The following GBE1 variants were observed in gnomAD, a reference collection of about 807,000 sequenced individuals.
GBE1 encodes the protein 1,4-alpha-glucan-branching enzyme.
A neutral mutation model predicts 88.8 loss-of-function variants in GBE1; 70 were observed. That is an observed-to-expected ratio of 0.79 (90% CI 0.65 to 0.96). The LOEUF (loss-of-function observed/expected upper bound fraction) is 0.96. Ranked by LOEUF, GBE1 falls within the 40% of genes least tolerant of loss-of-function variation. The pLI is 0.00. For missense variants in GBE1, 872 were observed against 871.0 expected (o/e 1.00, Z -0.01); for synonymous variants, 284 against 300.1 (o/e 0.95, Z 0.56).
chr3:81,490,385 G>A lies in GBE1; in HGVS notation c.*22C>T, dbSNP rs759825550. 1 of 1,598,036 alleles carries A rather than the reference G, an allele frequency of 6.3e-7. No homozygotes were observed. Among genetic ancestry groups the A allele is most frequent in the South Asian group, 1.1e-5 (1 of 90,672 alleles). On this transcript the variant is annotated 3_prime_UTR_variant, in exon 16 of 16. Coordinates refer to ENST00000429644, the MANE Select transcript of GBE1 (RefSeq NM_000158.4). ...AAAACAAAACACAAATCTGCATCTG[G>A]TGGAGCTGAAATCAGGCCTCTTCAA... is the stretch of plus-strand genomic sequence containing the variant.
intron 14 of GBE1, among the ~76,000 whole-genome samples, chr3:81,502,250 T>C (rs1049011851): frequency 6.6e-6 from 1 of 152,116 alleles, no homozygotes. Flanking sequence ...AAAAGAACAA[T>C]TGCTATACAA....
chr3:81,638,138 C>T (rs1704616995), intron 7 of GBE1, among the ~76,000 whole-genome samples: 1 of 152,064 alleles, frequency 6.6e-6, no homozygotes, highest in Non-Finnish European at 1.5e-5. Context: ...CTTTATTCTA[C>T]ATACTTATGA....
chr3:81,674,458 T>C (rs528614796), intron 2 of GBE1, among the ~76,000 whole-genome samples: 3 of 151,954 alleles, frequency 2.0e-5, no homozygotes, highest in East Asian at 3.9e-4. Context: ...CCAGGTGTAA[T>C]TGCAGGAACC....
In GBE1 at chr3:81,536,989, A is replaced by G; in HGVS notation, c.1725T>C (p.Leu575=). 6.3e-7 allele frequency: 1 copy of G among 1,592,998 alleles called. No homozygotes were observed. Among genetic ancestry groups the G allele is most frequent in the Non-Finnish European group, 8.5e-7 (1 of 1,170,978 alleles). The part of the protein sequence containing the change: ...RQFHLTDDDL[L]RYKFLNNFDR... ...CAAAATTATTTAGGAACTTGTAGCGAAGAAGGTCGTCGTCAGTTAAATGAA... is the reference window on the plus strand; with the variant it reads ...CAAAATTATTTAGGAACTTGTAGCGGAGAAGGTCGTCGTCAGTTAAATGAA... The change falls in exon 13 of 16, where the codon CTT becomes CTC. Residue 575 remains leucine (L), a synonymous_variant. Coordinates refer to ENST00000429644, the MANE Select transcript of GBE1 (RefSeq NM_000158.4).
chr3:81,597,201 A>G (rs891619184), intron 7 of GBE1, among the ~76,000 whole-genome samples: 2 of 151,874 alleles, frequency 1.3e-5, no homozygotes, highest in African/African-American at 4.8e-5. Flanking sequence ...CAAACAGCCC[A>G]TAACACAGTT....
chr3:81,599,121 T>C (rs1703997529), intron 7 of GBE1, among the ~76,000 whole-genome samples: 1 of 152,194 alleles, frequency 6.6e-6, no homozygotes, highest in Non-Finnish European at 1.5e-5. Flanking sequence ...AAAAGGATGA[T>C]ATGGTGCTTT....
At chr3:81,651,092 C>T (rs867337355) in intron 3 of GBE1, among the ~76,000 whole-genome samples, 26 of 152,262 alleles carry the variant, frequency 1.7e-4, no homozygotes, top group Middle Eastern at 6.8e-3. Flanking sequence ...TTGAGGAGAA[C>T]GTATTCTTCA....
intron 3 of GBE1, among the ~76,000 whole-genome samples, chr3:81,653,055 T>C (rs1023625129): frequency 4.6e-5 from 7 of 152,172 alleles, no homozygotes; most frequent in Non-Finnish European, 8.8e-5. Context: ...AGCTAATGTT[T>C]AAAAGAGTTC....
chr3:81,659,381 G>A lies in GBE1; in HGVS notation c.430-9460C>T, dbSNP rs192891240. 2.8e-3 allele frequency among the ~76,000 whole-genome samples: 421 copies of A among 150,482 alleles called. 1 individual carries two copies. The highest frequency in any genetic ancestry group is 4.3e-3 in the Non-Finnish European group (292 of 67,752). ...TAGACAGTCTCAGTCTGTCACCCAG[G>A]CTGGAGTGCAGTGGCGTGATCTCGC... On this transcript the variant is annotated intron_variant, in intron 3 of 15. Transcript: ENST00000429644.
At chr3:81,501,596 T>C (rs1221332527) in intron 14 of GBE1, among the ~76,000 whole-genome samples, 4 of 151,738 alleles carry the variant, frequency 2.6e-5, no homozygotes, top group Non-Finnish European at 5.9e-5. Context: ...TTCATTTTAG[T>C]CACCTGAATT....
chr3:81,579,387 TAA>T (rs995106120), intron 11 of GBE1, among the ~76,000 whole-genome samples: 12 of 152,174 alleles, frequency 7.9e-5, no homozygotes, highest in African/African-American at 2.9e-4. Flanking sequence ...CCTGAATATA[TAA>T]GATAGGATTG....
At chr3:81,563,462 C>T (rs1703447988) in intron 12 of GBE1, among the ~76,000 whole-genome samples, 1 of 152,072 alleles carries the variant, frequency 6.6e-6, no homozygotes, top group African/African-American at 2.4e-5. Flanking sequence ...GGCTGTCACT[C>T]AGGTGGGTCT....
intron 2 of GBE1, among the ~76,000 whole-genome samples, chr3:81,674,059 G>A (rs1005111714): frequency 1.3e-5 from 2 of 151,846 alleles, no homozygotes; most frequent in Non-Finnish European, 2.9e-5. Flanking sequence ...CCATTAGTCC[G>A]TTTTCTCTCC....
intron 2 of GBE1, among the ~76,000 whole-genome samples, chr3:81,682,880 G>A (rs557499111): frequency 1.6e-4 from 24 of 152,180 alleles, no homozygotes; most frequent in Non-Finnish European, 3.1e-4. Flanking sequence ...TAAACAAAAT[G>A]TTGTATATTA....
chr3:81,750,616 T>TATATATAC (rs1491122045), intron 1 of GBE1, among the ~76,000 whole-genome samples: 1 of 68,818 alleles, frequency 1.5e-5, no homozygotes, highest in Non-Finnish European at 2.4e-5. Flanking sequence ...TATATATATA[T>TATATATAC]GTATATATAT....
In GBE1 at chr3:81,643,888, G is replaced by A. The variant is rs533424414; in HGVS notation, c.783-898C>T. On this transcript the variant is annotated intron_variant, in intron 6 of 15. Coordinates refer to ENST00000429644, the MANE Select transcript of GBE1 (RefSeq NM_000158.4). ...TACTTGTGCTCCCATTCATCCCAGG[G>A]TGAAGACCATTGTCCTGATCGTGGC... Among the ~76,000 whole-genome samples the A allele has an allele frequency of 6.6e-5, 10 of 152,184 alleles. No homozygotes were observed. In the South Asian group the frequency reaches 1.9e-3, roughly 28 times the overall value.
rs760015364 is a variant in GBE1, at chr3:81,535,319, C to T, written c.1810G>A (p.Val604Met). 6.2e-6 allele frequency: 10 copies of T among 1,602,398 alleles called. No homozygotes were observed. The highest frequency in any genetic ancestry group is 3.4e-5 in the South Asian group (3 of 88,588). Reference sequence around the variant, plus strand: ...TTATTGCCTTCATGTTTTTCACTCACGTAGGCCTGCAAGAATTAGCACACA... The same window carrying T: ...TTATTGCCTTCATGTTTTTCACTCATGTAGGCCTGCAAGAATTAGCACACA... ...YGWLAAPQAY[V>M]SEKHEGNKII... Residue 604 changes from valine to methionine, a missense_variant, in exon 14 of 16, where the codon GTG becomes ATG. Transcript: ENST00000429644.
chr3:81,760,012 T>C (rs896676711), intron 1 of GBE1, among the ~76,000 whole-genome samples: 1 of 152,198 alleles, frequency 6.6e-6, no homozygotes, highest in African/African-American at 2.4e-5. Context: ...TTGTTCTAAA[T>C]TTTTTCTGAC....
chr3:81,738,618 A>G (rs1340320394), intron 1 of GBE1, among the ~76,000 whole-genome samples: 1 of 152,118 alleles, frequency 6.6e-6, no homozygotes, highest in African/African-American at 2.4e-5. Flanking sequence ...AAATAAATCT[A>G]AAGAAAAATT....
Sources: gnomAD v4.1 joint callset for allele counts (sites outside exome capture counted in the v4.1 genomes callset) on GRCh38, gnomAD v4.1.1 for gene constraint, MANE v1.5 for transcripts, NCBI Gene and HGNC (gene_info 2026-07-23, HGNC 2026-07-21) for gene names.